Variants in STAT4 observed in about 807,000 individuals in gnomAD.
STAT4 encodes the protein signal transducer and activator of transcription 4.
A neutral mutation model predicts 110.5 loss-of-function variants in STAT4; 42 were observed. The observed-to-expected ratio is 0.38, with a 90% CI of 0.30 to 0.49. The LOEUF is 0.49. STAT4 is among the 20% of genes least tolerant of loss of function. The pLI, the probability that STAT4 is intolerant of heterozygous loss-of-function variation, is 0.95. For missense variants in STAT4, 632 were observed against 887.9 expected, an observed-to-expected ratio of 0.71 and a Z score of 3.66; for synonymous variants, 284 against 302.2, an observed-to-expected ratio of 0.94 and a Z score of 0.63.
intron 3 of STAT4, among the ~76,000 whole-genome samples, chr2:191,106,429 G>A (rs7566808): frequency 0.66 from 99,993 of 151,604 alleles, 33,194 homozygotes; most frequent in Non-Finnish European, 0.68. Context: ...GAATGCTGAG[G>A]TGAGTAGATC....
At chr2:191,055,694 GTTA>G (rs1170515453) in intron 13 of STAT4, among the ~76,000 whole-genome samples, 6 of 152,196 alleles carry the variant, frequency 3.9e-5, no homozygotes, top group African/African-American at 1.2e-4. Flanking sequence ...AAAAAGCAAA[GTTA>G]TTATGCAGAA....
At chr2:191,085,333 A>G (rs1028046435) in intron 3 of STAT4, among the ~76,000 whole-genome samples, 1 of 151,976 alleles carries the variant, frequency 6.6e-6, no homozygotes, top group Non-Finnish European at 1.5e-5. Context: ...CAGAAGTCCA[A>G]GAGAGACATA....
intron 3 of STAT4, among the ~76,000 whole-genome samples, chr2:191,106,466 C>T (rs963437218): frequency 3.3e-5 from 5 of 151,552 alleles, no homozygotes; most frequent in Admixed American, 3.3e-4. Context: ...TCGAGTCTGG[C>T]CAACATGGTG....
intron 3 of STAT4, among the ~76,000 whole-genome samples, chr2:191,078,646 AAAAC>A (rs989227737): frequency 6.6e-6 from 1 of 152,188 alleles, no homozygotes; most frequent in African/African-American, 2.4e-5. Flanking sequence ...AAATAACAAT[AAAAC>A]AAACCCTTAA....
intron 16 of STAT4, among the ~76,000 whole-genome samples, chr2:191,036,728 C>G (rs1318386635): frequency 6.6e-6 from 1 of 152,134 alleles, no homozygotes; most frequent in African/African-American, 2.4e-5. Flanking sequence ...TGAAGCTTGC[C>G]TTGGTCACTC....
chr2:191,126,221 T>A (rs1053636395), intron 3 of STAT4, among the ~76,000 whole-genome samples: 2 of 152,226 alleles, frequency 1.3e-5, no homozygotes, highest in African/African-American at 4.8e-5. Flanking sequence ...TATTAAAATA[T>A]GTTAGAGGCC....
rs998936506 is a variant in STAT4 at position 191,083,866 on chromosome 2, GA to G, written c.274-7542del. ...TCGCATGATTTTAGTAATCTTTGAT[GA>G]AAAAAAGACAGTTTTAAAATTATTG... On this transcript the variant is annotated intron_variant, in intron 3 of 23. Coordinates refer to ENST00000392320, the MANE Select transcript of STAT4 (RefSeq NM_003151.4). The surrounding 1 kb of genome is among the most constrained non-coding windows in gnomAD (Gnocchi z 4.6). Among the ~76,000 whole-genome samples, 1 of 151,938 alleles carries G rather than the reference GA, an allele frequency of 6.6e-6. No homozygotes were observed.
At chr2:191,109,409 C>T (rs1041232612) in intron 3 of STAT4, among the ~76,000 whole-genome samples, 8 of 152,136 alleles carry the variant, frequency 5.3e-5, no homozygotes, top group African/African-American at 1.9e-4. Context: ...CAAATATCTA[C>T]TGAACACCTA....
intron 14 of STAT4, among the ~76,000 whole-genome samples, chr2:191,048,958 A>G (rs1450559103): frequency 2.0e-5 from 3 of 151,964 alleles, no homozygotes; most frequent in African/African-American, 7.2e-5. Flanking sequence ...GATTGACTGT[A>G]TTGTACTTCT....
chr2:191,122,913 T>C (rs1698778029), intron 3 of STAT4, among the ~76,000 whole-genome samples: 1 of 152,210 alleles, frequency 6.6e-6, no homozygotes, highest in Non-Finnish European at 1.5e-5. Context: ...GTTATATGGA[T>C]GTATATTAAA....
rs1026366989 is a variant in STAT4, at chr2:191,104,176, T to C, written c.274-27851A>G. On this transcript the variant is annotated intron_variant, in intron 3 of 23. Transcript: ENST00000392320. The surrounding 1 kb of genome is among the most constrained non-coding windows in gnomAD (Gnocchi z 4.3). ...AAATATACTAAAGTATCAACAGTGG[T>C]TGCAAATCTGGATGATAGAATTATG... is the stretch of plus-strand genomic sequence containing the variant. Among the ~76,000 whole-genome samples, 2 of 152,184 alleles carry C rather than the reference T, an allele frequency of 1.3e-5. No homozygotes were observed. The highest frequency in any genetic ancestry group is 4.8e-5 in the African/African-American group (2 of 41,458).
chr2:191,063,828 G>C, intron 8 of STAT4, among the ~76,000 whole-genome samples: 1 of 152,172 alleles, frequency 6.6e-6, no homozygotes, highest in South Asian at 2.1e-4. Context: ...TTTAAAATGA[G>C]TCAAACTCCT....
chr2:191,054,427 GT>G (rs3024929), intron 14 of STAT4, 62 bp downstream of exon 14: 276 of 1,369,750 alleles, frequency 2.0e-4, no homozygotes, highest in Non-Finnish European at 2.6e-4. Context: ...TAAAAGCTTT[GT>G]AAAAATAAGA....
Position 191,146,798 on chromosome 2 carries a change from T to C in STAT4, c.129-41A>G, listed in dbSNP as rs778850852. On this transcript the variant is annotated intron_variant, in intron 2 of 23. Transcript: ENST00000392320. The surrounding 1 kb of genome is among the most constrained non-coding windows in gnomAD (Gnocchi z 4.5). ...ATTATTACACAACAGAAAACAACTT[T>C]GTAAAATGTCTACTTTTTTACCATA... 1 of 1,443,370 alleles carries C rather than the reference T, an allele frequency of 6.9e-7. No homozygotes were observed. Among genetic ancestry groups the C allele is most frequent in the Non-Finnish European group, 9.2e-7 (1 of 1,092,784 alleles). 89.4% of individuals were successfully genotyped at this position (1,443,370 alleles called of 1,614,324 possible). A position where few individuals can be genotyped will look rare whatever the true frequency, so the allele number is the denominator to read the frequency against.
rs1696514975 is a variant in STAT4 at position 191,051,251 on chromosome 2, T to C, written c.1251+3239A>G. 6.6e-6 allele frequency among the ~76,000 whole-genome samples: 1 copy of C among 152,198 alleles called. No homozygotes were observed. Among genetic ancestry groups the C allele is most frequent in the Admixed American group, 6.5e-5 (1 of 15,280 alleles). ...AGAAGGAGAAAGATCAGCAGTTGTC[T>C]GAAGTTAGGTATCACGTTTTAGAGC... is the stretch of plus-strand genomic sequence containing the variant. On this transcript the variant is annotated intron_variant, in intron 14 of 23. Coordinates refer to ENST00000392320, the MANE Select transcript of STAT4 (RefSeq NM_003151.4). The surrounding 1 kb of genome is among the most constrained non-coding windows in gnomAD (Gnocchi z 5.6).
At chr2:191,108,314 A>G (rs1375195597) in intron 3 of STAT4, among the ~76,000 whole-genome samples, 1 of 151,960 alleles carries the variant, frequency 6.6e-6, no homozygotes, top group African/African-American at 2.4e-5. Context: ...AGACGTTATC[A>G]TTGTTTACCT....
Position 191,058,684 on chromosome 2 carries a change from AT to A in STAT4, c.1094+25del, listed in dbSNP as rs753549604. ...TAAAAGTCTTACATTTGGAATTGTA[AT>A]TCAAAACGAAATTAGAAAACTTACT... On this transcript the variant is annotated intron_variant, in intron 11 of 23. Coordinates refer to ENST00000392320, the MANE Select transcript of STAT4 (RefSeq NM_003151.4). The surrounding 1 kb of genome is among the most constrained non-coding windows in gnomAD (Gnocchi z 4.3). 2.1e-6 allele frequency: 3 copies of A among 1,462,732 alleles called. No individual in the cohort carries two copies. Among genetic ancestry groups the A allele is most frequent in the Non-Finnish European group, 2.8e-6 (3 of 1,061,696 alleles). The allele number at this position is 1,462,732 out of a possible 1,614,324, so 90.6% of individuals were successfully genotyped here.
intron 3 of STAT4, among the ~76,000 whole-genome samples, chr2:191,081,016 GGT>G (rs1344248701): frequency 6.6e-6 from 1 of 151,972 alleles, no homozygotes. Flanking sequence ...GACAGGCCCT[GGT>G]GTGTGATGTT....
rs1473692835 is a variant in STAT4, at chr2:191,053,065, G to T, written c.1251+1425C>A. On this transcript the variant is annotated intron_variant, in intron 14 of 23. Coordinates refer to ENST00000392320, the MANE Select transcript of STAT4 (RefSeq NM_003151.4). This position sits in a 1 kb window ranked among gnomAD's most constrained non-coding sequence, Gnocchi z 4.5. ...ATGAAGAATTCTTGGAGGGCAAAATGGTAGGGCATTAAATCTTTTGTGATG... is the reference window on the plus strand; with the variant it reads ...ATGAAGAATTCTTGGAGGGCAAAATTGTAGGGCATTAAATCTTTTGTGATG... 6.6e-6 allele frequency among the ~76,000 whole-genome samples: 1 copy of T among 152,174 alleles called. No individual in the cohort carries two copies. Among genetic ancestry groups the T allele is most frequent in the African/African-American group, 2.4e-5 (1 of 41,430 alleles).
Sources: gnomAD v4.1 joint callset for allele counts (sites outside exome capture counted in the v4.1 genomes callset) on GRCh38, gnomAD v4.1.1 for gene constraint, Gnocchi (gnomAD v3.1) non-coding constraint, MANE v1.5 for transcripts, NCBI Gene and HGNC (gene_info 2026-07-23, HGNC 2026-07-21) for gene names.